AATF: variants seen among roughly 807,000 people sequenced by gnomAD.
AATF encodes the protein protein AATF.
Under a neutral mutation model 63.7 loss-of-function variants are expected in AATF, and 48 were observed. The ratio of observed to expected loss-of-function variants is 0.75; its 90% CI spans 0.60 to 0.96. The LOEUF is 0.96. Among genes scored for constraint, AATF ranks in the 40% least tolerant of loss-of-function variants. The pLI is 0.00. For synonymous variants in AATF, 258 were observed against 247.7 expected, an observed-to-expected ratio of 1.04 and a Z score of -0.39; for missense variants, 639 against 685.7, an observed-to-expected ratio of 0.93 and a Z score of 0.76.
At chr17:36,968,248 CTT>C (rs1567967976) in intron 4 of AATF, among the ~76,000 whole-genome samples, 15 of 59,496 alleles carry the variant, frequency 2.5e-4, no homozygotes, top group African/African-American at 1.2e-3. Context: ...TTTCTTTTTT[CTT>C]TTTCTTTCTT....
intron 3 of AATF, among the ~76,000 whole-genome samples, chr17:36,953,503 G>A (rs141273983): frequency 6.6e-6 from 1 of 152,280 alleles, no homozygotes; most frequent in East Asian, 1.9e-4. Flanking sequence ...TTCTGCTCTA[G>A]TACTTCCTGC....
chr17:36,969,639 T>C (rs964332715), intron 4 of AATF, among the ~76,000 whole-genome samples: 3 of 152,174 alleles, frequency 2.0e-5, no homozygotes, highest in Admixed American at 1.3e-4. Context: ...ATTTGTCCAT[T>C]TGCTTTTTCA....
At chr17:36,968,055 A>C (rs944359585) in intron 4 of AATF, among the ~76,000 whole-genome samples, 1 of 150,886 alleles carries the variant, frequency 6.6e-6, no homozygotes, top group Non-Finnish European at 1.5e-5. Flanking sequence ...GTTTTTTACT[A>C]TCTCCCCTGT....
chr17:37,019,152 C>A, intron 9 of AATF, 80 bp downstream of exon 9: 2 of 1,127,908 alleles, frequency 1.8e-6, no homozygotes, highest in Non-Finnish European at 2.7e-6. Flanking sequence ...ATTCTACCTG[C>A]AAAGCAATGA....
intron 8 of AATF, among the ~76,000 whole-genome samples, chr17:37,006,899 A>T (rs376968560): frequency 2.6e-4 from 39 of 152,384 alleles, no homozygotes; most frequent in African/African-American, 8.9e-4. Flanking sequence ...GCAGAATCAA[A>T]AAGTGGAAAA....
intron 8 of AATF, among the ~76,000 whole-genome samples, chr17:37,008,760 A>G (rs1261180381): frequency 6.6e-6 from 1 of 152,132 alleles, no homozygotes; most frequent in African/African-American, 2.4e-5. Flanking sequence ...TCAGAAGGCT[A>G]AGGTGGGAGC....
At chr17:36,982,927 T>G (rs1045399161) in intron 4 of AATF, among the ~76,000 whole-genome samples, 2 of 152,234 alleles carry the variant, frequency 1.3e-5, no homozygotes, top group African/African-American at 2.4e-5. Context: ...AGGTACCTCA[T>G]GTAACTGGAA....
intron 8 of AATF, among the ~76,000 whole-genome samples, chr17:37,009,880 A>G (rs994986152): frequency 1.3e-5 from 2 of 150,074 alleles, no homozygotes; most frequent in East Asian, 2.0e-4. Flanking sequence ...AGACCAGTCT[A>G]TGTGTTTGTT....
intron 8 of AATF, among the ~76,000 whole-genome samples, chr17:37,014,396 G>A (rs771335601): frequency 2.6e-5 from 4 of 152,032 alleles, no homozygotes; most frequent in Admixed American, 1.3e-4. Flanking sequence ...CTATTGAGAC[G>A]TCTTTTCCCA....
intron 10 of AATF, among the ~76,000 whole-genome samples, chr17:37,030,029 T>G (rs553250066): frequency 4.6e-4 from 50 of 109,114 alleles, no homozygotes; most frequent in African/African-American, 1.7e-3. Flanking sequence ...TGTGGTTTGG[T>G]TTTTTTTCAA....
intron 11 of AATF, 50 bp from the exon 12 acceptor site, chr17:37,056,551 C>T (rs2071799570): frequency 6.3e-7 from 1 of 1,592,146 alleles, no homozygotes; most frequent in African/African-American, 1.3e-5. Flanking sequence ...CCTTTTTAAC[C>T]TTGAATAGTG....
intron 4 of AATF, among the ~76,000 whole-genome samples, chr17:36,983,537 G>T (rs1056311551): frequency 6.6e-6 from 1 of 152,024 alleles, no homozygotes; most frequent in Non-Finnish European, 1.5e-5. Flanking sequence ...TTTTAGTAGA[G>T]ACAGGGTTTC....
Position 36,950,231 on chromosome 17 carries a change from A to T in AATF, c.109A>T (p.Ile37Phe), listed in dbSNP as rs780276029. ...CCCGACAGCCACTGCTGCCAGGGTG[A>T]TTGACAGGTTTGATGAAGGGGAAGA... ...DPEEATAARV[I>F]DRFDEGEDGE... Residue 37 changes from isoleucine to phenylalanine, a missense_variant, in exon 2 of 12, where the codon ATT (isoleucine) becomes TTT (phenylalanine). Coordinates refer to ENST00000619387, the MANE Select transcript of AATF (RefSeq NM_012138.4). 2.5e-6 allele frequency: 4 copies of T among 1,613,890 alleles called. No individual in the cohort carries two copies. The Admixed American group carries it at 6.7e-5, about 27-fold the overall frequency.
At chr17:37,010,856 C>T (rs1002185161) in intron 8 of AATF, among the ~76,000 whole-genome samples, 14 of 152,152 alleles carry the variant, frequency 9.2e-5, no homozygotes, top group Non-Finnish European at 1.6e-4. Flanking sequence ...GCCTGGTGGG[C>T]CTGCAGCACA....
intron 7 of AATF, among the ~76,000 whole-genome samples, chr17:36,990,558 CAT>C (rs57489964): frequency 0.037 from 5,683 of 152,204 alleles, 349 homozygotes; most frequent in African/African-American, 0.13. Flanking sequence ...TGAGGGTAAA[CAT>C]ATTTTCATAT....
At chr17:37,043,715 T>A (rs1436954715) in intron 11 of AATF, among the ~76,000 whole-genome samples, 1 of 152,192 alleles carries the variant, frequency 6.6e-6, no homozygotes, top group Non-Finnish European at 1.5e-5. Context: ...ATTGTCGGCC[T>A]CCTCTGAGCT....
intron 9 of AATF, among the ~76,000 whole-genome samples, chr17:37,019,658 C>T (rs1197769364): frequency 6.6e-6 from 1 of 152,084 alleles, no homozygotes; most frequent in African/African-American, 2.4e-5. Flanking sequence ...GAATAGTGTA[C>T]ATTTAAATAG....
At chr17:37,021,179 C>CT (rs2071467250) in intron 10 of AATF, 165 bp downstream of exon 10, 1 of 510,104 alleles carries the variant, frequency 2.0e-6, no homozygotes, top group South Asian at 3.7e-5. Context: ...TTTTCTTATT[C>CT]TAAAATGGAA....
In AATF at chr17:36,960,308, G is replaced by A. The variant is rs71380122; in HGVS notation, c.832+6401G>A. ...ATTACAGGCATGAGCCACTGCACCCGGCTAGACTAAAATTTTTAATGGTAA... is the reference window on the plus strand; with the variant it reads ...ATTACAGGCATGAGCCACTGCACCCAGCTAGACTAAAATTTTTAATGGTAA... On this transcript the variant is annotated intron_variant, in intron 4 of 11. Coordinates refer to ENST00000619387, the MANE Select transcript of AATF (RefSeq NM_012138.4). Among the ~76,000 whole-genome samples the A allele has an allele frequency of 9.9e-5, 15 of 152,184 alleles. No individual in the cohort carries two copies. The South Asian group carries it at 1.0e-3, about 11-fold the overall frequency.
Sources: allele counts gnomAD v4.1 joint callset (sites outside exome capture counted in the v4.1 genomes callset), GRCh38; gene constraint gnomAD v4.1.1; transcripts MANE v1.5; gene names NCBI Gene and HGNC (gene_info 2026-07-23, HGNC 2026-07-21).